CECR2: variants seen among roughly 807,000 people sequenced by gnomAD.
CECR2 encodes CECR2 histone acetyl-lysine reader.
A neutral mutation model predicts 154.5 loss-of-function variants in CECR2; 30 were observed. The ratio of observed to expected loss-of-function variants is 0.19; its 90% CI spans 0.15 to 0.26. CECR2 has a LOEUF of 0.26. Ranked by LOEUF, CECR2 falls within the 10% of genes least tolerant of loss-of-function variation. CECR2 has a pLI of 1.00. For missense variants in CECR2, 1,743 were observed against 1,829.3 expected, an observed-to-expected ratio of 0.95 and a Z score of 0.86; for synonymous variants, 725 against 683.7, an observed-to-expected ratio of 1.06 and a Z score of -0.94.
intron 16 of CECR2, among the ~76,000 whole-genome samples, chr22:17,546,895 C>T (rs935353697): frequency 1.3e-5 from 2 of 151,342 alleles, no homozygotes; most frequent in East Asian, 2.0e-4. Flanking sequence ...AAAAATTAGC[C>T]GGGCATGGTG....
intron 8 of CECR2, among the ~76,000 whole-genome samples, chr22:17,515,910 C>T (rs1373774372): frequency 6.6e-6 from 1 of 151,736 alleles, no homozygotes; most frequent in East Asian, 1.9e-4. Flanking sequence ...CTCCTGACCT[C>T]GTGATCCACC....
chr22:17,471,461 A>G (rs2055125283), intron 1 of CECR2, among the ~76,000 whole-genome samples: 1 of 152,230 alleles, frequency 6.6e-6, no homozygotes, highest in South Asian at 2.1e-4. Context: ...AGCATGTTGC[A>G]TAGTTTCCAA....
chr22:17,491,987 G>A (rs1033983014), intron 2 of CECR2, among the ~76,000 whole-genome samples: 1 of 152,164 alleles, frequency 6.6e-6, no homozygotes, highest in Non-Finnish European at 1.5e-5. Flanking sequence ...TAGAGAAGAA[G>A]AACTGTTATT....
At position 17,527,518 on chromosome 22, in the gene CECR2, G is replaced by A. The variant is rs2056285072; in HGVS notation, c.1108+3247G>A. Among the ~76,000 whole-genome samples the A allele has an allele frequency of 2.0e-5, 3 of 152,206 alleles. No homozygotes were observed. The South Asian group carries it at 6.2e-4, about 32-fold the overall frequency. ...GTGGTGGCTCATGCTTGTAATCCCA[G>A]CACTTTGGGAGGCCGAGGCGGGCAG... On this transcript the variant is annotated intron_variant, in intron 9 of 18. Coordinates refer to ENST00000262608, the MANE Select transcript of CECR2 (RefSeq NM_001290047.2).
At chr22:17,505,242 C>G (rs1369693121) in intron 7 of CECR2, among the ~76,000 whole-genome samples, 1 of 152,042 alleles carries the variant, frequency 6.6e-6, no homozygotes, top group Non-Finnish European at 1.5e-5. Context: ...GTGTCTACCA[C>G]CCACCAATAG....
At chr22:17,399,274 C>T (rs571397763) in intron 1 of CECR2, among the ~76,000 whole-genome samples, 1 of 152,258 alleles carries the variant, frequency 6.6e-6, no homozygotes, top group African/African-American at 2.4e-5. Flanking sequence ...CTGTAGACCT[C>T]AGTTTTCTCA....
chr22:17,406,560 A>G (rs2053988033), intron 1 of CECR2, among the ~76,000 whole-genome samples: 1 of 152,120 alleles, frequency 6.6e-6, no homozygotes, highest in South Asian at 2.1e-4. Context: ...AAAGAAAAGA[A>G]TGTGTATTCT....
intron 8 of CECR2, among the ~76,000 whole-genome samples, chr22:17,523,538 C>T (rs902224223): frequency 1.6e-4 from 24 of 151,846 alleles, no homozygotes; most frequent in African/African-American, 4.8e-4. Flanking sequence ...AGGTGGATCA[C>T]GTGGTCAGGA....
At chr22:17,546,855 A>G (rs1237265313) in intron 16 of CECR2, among the ~76,000 whole-genome samples, 1 of 151,914 alleles carries the variant, frequency 6.6e-6, no homozygotes, top group Non-Finnish European at 1.5e-5. Flanking sequence ...CCTGGCCAAC[A>G]TGGTGAAATC....
intron 1 of CECR2, among the ~76,000 whole-genome samples, chr22:17,378,351 C>T (rs1246224495): frequency 6.6e-6 from 1 of 150,460 alleles, no homozygotes; most frequent in East Asian, 2.0e-4. Flanking sequence ...GGCTGGAGTG[C>T]AGTGGCACGA....
chr22:17,360,258 G>A (rs752151146), intron 1 of CECR2, among the ~76,000 whole-genome samples: 14 of 152,208 alleles, frequency 9.2e-5, no homozygotes, highest in Non-Finnish European at 1.6e-4. Flanking sequence ...CATCTACTTG[G>A]GATGCTGTTA....
rs1253637301 is a variant in CECR2 at position 17,554,612 on chromosome 22, A to T, written c.*1772A>T. 6.6e-6 allele frequency: 1 copy of T among 152,174 alleles called. No individual in the cohort carries two copies. Among genetic ancestry groups the T allele is most frequent in the African/African-American group, 2.4e-5 (1 of 41,442 alleles). The allele number at this position is 152,174 out of a possible 1,614,324, so 9.4% of individuals were successfully genotyped here. On this transcript the variant is annotated 3_prime_UTR_variant, in exon 19 of 19. Coordinates refer to ENST00000262608, the MANE Select transcript of CECR2 (RefSeq NM_001290047.2). ...TGCCTAGGGCTCAGGCAGATTTGAG[A>T]GTTGAGTAGGGAACACAGGTGCCTC...
In CECR2 at chr22:17,478,607, G is replaced by A. The variant is rs5746417; in HGVS notation, c.221+925G>A. The stretch of plus-strand genomic sequence containing the variant: ...CCCGACCTCGTGATCTGCCCGCCTC[G>A]ACCTCACAAAGTGCTGGGATTACAG... On this transcript the variant is annotated intron_variant, in intron 2 of 18. Coordinates refer to ENST00000262608, the MANE Select transcript of CECR2 (RefSeq NM_001290047.2). Among the ~76,000 whole-genome samples the A allele has an allele frequency of 5.3e-5, 8 of 152,176 alleles. No individual in the cohort carries two copies. The East Asian group carries it at 1.4e-3, about 26-fold the overall frequency.
chr22:17,527,906 A>G (rs1282641687), intron 9 of CECR2, among the ~76,000 whole-genome samples: 1 of 152,256 alleles, frequency 6.6e-6, no homozygotes, highest in Non-Finnish European at 1.5e-5. Context: ...AGGACAGGCA[A>G]TAACAAATAC....
chr22:17,418,790 C>T (rs1374518684), intron 1 of CECR2: 6 of 249,728 alleles, frequency 2.4e-5, no homozygotes, highest in Non-Finnish European at 3.8e-5. Flanking sequence ...GGGAGGACAG[C>T]AGCTCTGTGT....
At chr22:17,461,671 C>G (rs2054939718) in intron 1 of CECR2, among the ~76,000 whole-genome samples, 2 of 152,176 alleles carry the variant, frequency 1.3e-5, no homozygotes, top group South Asian at 4.1e-4. Flanking sequence ...ACACAGAAGT[C>G]AGTCTTCGTT....
chr22:17,557,683 C>A lies in CECR2; in HGVS notation c.*4843C>A, dbSNP rs1225495089. 4 of 152,128 alleles carry A rather than the reference C, an allele frequency of 2.6e-5. No homozygotes were observed. The East Asian group carries it at 5.8e-4, about 22-fold the overall frequency. 9.4% of individuals were successfully genotyped at this position (152,128 alleles called of 1,614,324 possible). A position where few individuals can be genotyped will look rare whatever the true frequency, so the allele number is the denominator to read the frequency against. On this transcript the variant is annotated 3_prime_UTR_variant, in exon 19 of 19. Transcript: ENST00000262608. ...TTGACAGGGGTGGGTGGGGTGGGAGCAGGGGTATGGATATTGCATAAGTTA... is the reference window on the plus strand; with the variant it reads ...TTGACAGGGGTGGGTGGGGTGGGAGAAGGGGTATGGATATTGCATAAGTTA...
At chr22:17,388,607 A>G (rs1030591031) in intron 1 of CECR2, among the ~76,000 whole-genome samples, 58 of 152,166 alleles carry the variant, frequency 3.8e-4, no homozygotes, top group Admixed American at 1.3e-4. Flanking sequence ...AATTTTAGCT[A>G]GTGTCGTGGT....
At chr22:17,481,049 T>A (rs761316138) in intron 2 of CECR2, among the ~76,000 whole-genome samples, 2,795 of 91,834 alleles carry the variant, frequency 0.03, 160 homozygotes, top group Middle Eastern at 0.11. Context: ...CTTTTTTTTT[T>A]AAAAAAAAAA....
Sources: allele counts gnomAD v4.1 joint callset (sites outside exome capture counted in the v4.1 genomes callset), GRCh38; gene constraint gnomAD v4.1.1; transcripts MANE v1.5; gene names NCBI Gene and HGNC (gene_info 2026-07-23, HGNC 2026-07-21).